The following CAMTA2 variants were observed in gnomAD, a reference collection of about 807,000 sequenced individuals.
CAMTA2 encodes calmodulin-binding transcription activator 2.
CAMTA2 carries 56 observed loss-of-function variants against 135.7 expected under a neutral mutation model. The observed-to-expected ratio is 0.41, with a 90% CI of 0.33 to 0.52. The LOEUF (loss-of-function observed/expected upper bound fraction) is 0.52. CAMTA2 is among the 20% of genes least tolerant of loss of function. CAMTA2 has a pLI of 0.16. For missense variants in CAMTA2, 1,358 were observed against 1,553.4 expected, an observed-to-expected ratio of 0.87 and a Z score of 2.11; for synonymous variants, 591 against 604.6, an observed-to-expected ratio of 0.98 and a Z score of 0.33.
In CAMTA2 at chr17:4,969,260, T is replaced by C; in HGVS notation, c.3360A>G (p.Arg1120=). ...CAGCCGCTCGGCGGCTCTGCTGAAATCGCTTCTGTTCATAGTAGCTTCGGA... is the reference window on the plus strand; with the variant it reads ...CAGCCGCTCGGCGGCTCTGCTGAAACCGCTTCTGTTCATAGTAGCTTCGGA... ...SKFRSYYEQK[R]FQQSRRAAVL... The change falls in exon 21 of 23, where the codon CGA becomes CGG. Residue 1120 remains arginine (R), a synonymous_variant. Transcript: ENST00000348066. This position sits in a 1 kb window ranked among gnomAD's most constrained non-coding sequence, Gnocchi z 5.6. The C allele has an allele frequency of 1.2e-6, 2 of 1,613,956 alleles. No homozygotes were observed. Among genetic ancestry groups the C allele is most frequent in the Non-Finnish European group, 8.5e-7 (1 of 1,180,010 alleles).
At chr17:4,972,669 G>T in intron 15 of CAMTA2, 100 bp downstream of exon 15, 6 of 1,424,778 alleles carry the variant, frequency 4.2e-6, no homozygotes, top group Non-Finnish European at 5.9e-6. Flanking sequence ...TGCCTCTGTG[G>T]TTTGTCTCCT....
intron 15 of CAMTA2, 76 bp downstream of exon 15, chr17:4,972,693 C>G: frequency 6.7e-7 from 1 of 1,486,436 alleles, no homozygotes; most frequent in East Asian, 2.3e-5. Flanking sequence ...TTACTCGTTT[C>G]CCACACCCTT....
chr17:4,987,451 GGGA>G, intron 1 of CAMTA2, 139 bp downstream of exon 1: 2 of 1,384,572 alleles, frequency 1.4e-6, no homozygotes, highest in South Asian at 1.6e-5. Context: ...CCTGGCGCGG[GGGA>G]GGAGGACGGA....
At chr17:4,979,487 G>C (rs1972823100) in intron 9 of CAMTA2, 197 bp downstream of exon 9, 1 of 400,890 alleles carries the variant, frequency 2.5e-6, no homozygotes, top group Admixed American at 5.5e-5. Flanking sequence ...TCCAGCCTGG[G>C]CAACAAGAGC....
In CAMTA2 at chr17:4,980,526, G is replaced by T; in HGVS notation, c.796C>A (p.His266Asn). ...PRALTLTSIPHAHPPEPPPLI... is the reference protein window; with the variant it reads ...PRALTLTSIPNAHPPEPPPLI... ...GGAGGAGGCTCTGGGGGGTGAGCGT[G>T]GGGGATAGAGGTCAGGGTTAAAGCT... Residue 266 changes from histidine (H) to asparagine (N), a missense_variant, in exon 9 of 23, where the codon CAC becomes AAC. This residue lies in a region of CAMTA2 where 1,077 missense variants were observed against 1,127.5 expected (regional missense o/e 0.96). Coordinates refer to ENST00000348066, the MANE Select transcript of CAMTA2 (RefSeq NM_015099.4). This position sits in a 1 kb window ranked among gnomAD's most constrained non-coding sequence, Gnocchi z 5.3. The T allele has an allele frequency of 6.2e-7, 1 of 1,612,664 alleles. No homozygotes were observed. Among genetic ancestry groups the T allele is most frequent in the Non-Finnish European group, 8.5e-7 (1 of 1,178,904 alleles).
intron 6 of CAMTA2, 34 bp downstream of exon 6, chr17:4,982,054 GA>G: frequency 6.5e-7 from 1 of 1,533,086 alleles, no homozygotes; most frequent in Non-Finnish European, 9.0e-7. Context: ...AAAGAGTCAG[GA>G]AGAGGGTGGC....
intron 12 of CAMTA2, 144 bp from the exon 13 acceptor site, chr17:4,973,913 T>C (rs1972457870): frequency 6.1e-6 from 4 of 654,008 alleles, no homozygotes; most frequent in Non-Finnish European, 1.0e-5. Context: ...TCAGTTGAAG[T>C]TCCTCTGTGG....
At chr17:4,979,077 C>G (rs1174247498) in intron 9 of CAMTA2, among the ~76,000 whole-genome samples, 1 of 152,174 alleles carries the variant, frequency 6.6e-6, no homozygotes, top group Non-Finnish European at 1.5e-5. Flanking sequence ...CAATTCCCTA[C>G]CCCTGAAAAC....
In CAMTA2 at chr17:4,968,397, T is replaced by C. The variant is rs1972040747; in HGVS notation, c.*359A>G. On this transcript the variant is annotated 3_prime_UTR_variant, in exon 23 of 23. Transcript: ENST00000348066. ...AGGCAGTGGTGGGAACCGAGGCGGA[T>C]ACATTCAGAGACGCGTCGAACAAAT... is the stretch of plus-strand genomic sequence containing the variant. 1 of 389,380 alleles carries C rather than the reference T, an allele frequency of 2.6e-6. No homozygotes were observed. Among genetic ancestry groups the C allele is most frequent in the Non-Finnish European group, 4.8e-6 (1 of 210,286 alleles). 24.1% of individuals were successfully genotyped at this position (389,380 alleles called of 1,614,324 possible). A position where few individuals can be genotyped will look rare whatever the true frequency, so the allele number is the denominator to read the frequency against.
chr17:4,986,518 G>A, intron 1 of CAMTA2: 1 of 542,080 alleles, frequency 1.8e-6, no homozygotes, highest in Non-Finnish European at 3.2e-6. Flanking sequence ...AATGGGTTGG[G>A]GTGGGGGAGC....
At position 4,978,457 on chromosome 17, in the gene CAMTA2, A is replaced by G. The variant is rs760353490; in HGVS notation, c.1765+47T>C. 6.9e-6 allele frequency: 11 copies of G among 1,602,540 alleles called. No homozygotes were observed. In the Admixed American group the frequency reaches 1.0e-4, roughly 15 times the overall value. On this transcript the variant is annotated intron_variant, in intron 10 of 22. Transcript: ENST00000348066. ...AGCCTGGAGGTCCTGATCTGTCCTA[A>G]CTGCCCACATGTCAGTCCCTCCCCC...
Position 4,972,283 on chromosome 17 carries a change from A to G in CAMTA2, c.2757T>C (p.Asp919=), listed in dbSNP as rs774107039. Reference sequence around the variant, plus strand: ...TGTCAGCGTCCTCTGGAGCAGCCCCATCATCTGAAGCTGGTGGGAGGGCAG... The same window carrying G: ...TGTCAGCGTCCTCTGGAGCAGCCCCGTCATCTGAAGCTGGTGGGAGGGCAG... ...SLPALPPASD[D]GAAPEDADSP... Residue 919 remains aspartate (D), a synonymous_variant, in exon 16 of 23, where the codon GAT becomes GAC. Coordinates refer to ENST00000348066, the MANE Select transcript of CAMTA2 (RefSeq NM_015099.4). The G allele has an allele frequency of 6.2e-7, 1 of 1,614,012 alleles. No individual in the cohort carries two copies. The highest frequency in any genetic ancestry group is 1.7e-5 in the Admixed American group (1 of 59,990).
chr17:4,979,528 A>G (rs987501137), intron 9 of CAMTA2, 156 bp downstream of exon 9: 45 of 455,520 alleles, frequency 9.9e-5, no homozygotes, highest in South Asian at 2.3e-4. Context: ...AAAAAAAAAA[A>G]AGAGAGAGAT....
rs907966687 is a variant in CAMTA2 at position 4,973,703 on chromosome 17, A to G, written c.2083T>C (p.Ser695Pro). 1.5e-5 allele frequency: 25 copies of G among 1,614,056 alleles called. No homozygotes were observed. The highest frequency in any genetic ancestry group is 1.9e-5 in the Non-Finnish European group (23 of 1,180,022). The stretch of plus-strand genomic sequence containing the variant: ...AGACGTTCAGGACCCTTCCAGGTGG[A>G]GCGTGGGATCATGCTTTCTACCAAG... ...VVLVESMIPR[S>P]TWKGPERLAH... The change falls in exon 13 of 23, where the codon TCC (serine) becomes CCC (proline). Residue 695 changes from serine to proline, a missense_variant. Ser to Pro is a moderately conservative substitution (Grantham distance 74). Transcript: ENST00000348066.
In CAMTA2 at chr17:4,973,587, C is replaced by A. The variant is rs749155475; in HGVS notation, c.2199G>T (p.Trp733Cys). Residue 733 changes from tryptophan (W) to cysteine (C), a missense_variant and splice_region_variant, in exon 13 of 23, where the codon TGG becomes TGT. By Grantham distance (215) the Trp-to-Cys change is radical (BLOSUM62 -2). This residue lies in a region of CAMTA2 where 1,077 missense variants were observed against 1,127.5 expected (regional missense o/e 0.96). Coordinates refer to ENST00000348066, the MANE Select transcript of CAMTA2 (RefSeq NM_015099.4). ...YARLIETLSQ[W>C]RSVETGSLDL... The stretch of plus-strand genomic sequence containing the variant: ...CTCACCCAGCTGCCCTTGCTCACCG[C>A]CACTGGCTCAGGGTCTCGATGAGGC... 9 of 1,611,680 alleles carry A rather than the reference C, an allele frequency of 5.6e-6. No homozygotes were observed. In the South Asian group the frequency reaches 9.9e-5, roughly 18 times the overall value.
At chr17:4,986,073 C>T in intron 2 of CAMTA2, 90 bp from the exon 3 acceptor site, 1 of 1,149,586 alleles carries the variant, frequency 8.7e-7, no homozygotes, top group Admixed American at 1.7e-5. Context: ...CAATACAGAG[C>T]ACTGGGGAAA....
rs769973720 is a variant in CAMTA2 at position 4,986,269 on chromosome 17, G to C, written c.-47C>G. On this transcript the variant is annotated 5_prime_UTR_variant, in exon 2 of 23. Coordinates refer to ENST00000348066, the MANE Select transcript of CAMTA2 (RefSeq NM_015099.4). ...GGTCACCCCCGGCCTGAGGGGCCGG[G>C]GGGAGGGGGAGTCTGTGCTGGGAAG... 7 of 1,478,830 alleles carry C rather than the reference G, an allele frequency of 4.7e-6. No homozygotes were observed. The highest frequency in any genetic ancestry group is 3.5e-5 in the South Asian group (3 of 86,138). The allele number at this position is 1,478,830 out of a possible 1,614,324, so 91.6% of individuals were successfully genotyped here.
intron 1 of CAMTA2, chr17:4,987,041 G>A (rs1229677952): frequency 4.2e-6 from 6 of 1,415,838 alleles, no homozygotes; most frequent in East Asian, 2.9e-5. Flanking sequence ...CACGGGCTCC[G>A]CCAGGTGTCC....
chr17:4,973,843 C>T lies in CAMTA2; in HGVS notation c.2017-74G>A, dbSNP rs1044307643. 10 of 1,334,534 alleles carry T rather than the reference C, an allele frequency of 7.5e-6. No individual in the cohort carries two copies. In the Admixed American group the frequency reaches 1.2e-4, roughly 16 times the overall value. The allele number at this position is 1,334,534 out of a possible 1,614,324, so 82.7% of individuals were successfully genotyped here. On this transcript the variant is annotated intron_variant, in intron 12 of 22. Transcript: ENST00000348066. ...GCTTGAGGTGGCCTTGGCCACCTCACATCTGTCCTCCCAGCTTCTAATTTT... is the reference window on the plus strand; with the variant it reads ...GCTTGAGGTGGCCTTGGCCACCTCATATCTGTCCTCCCAGCTTCTAATTTT...
Sources: allele counts gnomAD v4.1 joint callset (sites outside exome capture counted in the v4.1 genomes callset), GRCh38; gene constraint gnomAD v4.1.1; regional missense constraint gnomAD v4.1.1; non-coding constraint Gnocchi (gnomAD v3.1); transcripts MANE v1.5; gene names NCBI Gene and HGNC (gene_info 2026-07-23, HGNC 2026-07-21).